DACH2: variants seen among roughly 807,000 people sequenced by gnomAD.
DACH2 encodes the protein dachshund family transcription factor 2.
In DACH2, 17 loss-of-function variants were observed where a neutral mutation model predicts 35.8. The ratio of observed to expected loss-of-function variants is 0.48; its 90% CI spans 0.33 to 0.71. DACH2 has a LOEUF of 0.71. Ranked by LOEUF, DACH2 falls within the 30% of genes least tolerant of loss-of-function variation. The pLI is 0.02. For synonymous variants in DACH2, 195 were observed against 177.3 expected (o/e 1.10, Z -0.79); for missense variants, 469 against 472.7 (o/e 0.99, Z 0.07).
intron 1 of DACH2, among the ~76,000 whole-genome samples, chrX:86,251,883 T>C (rs1348988594): frequency 8.9e-6 from 1 of 111,867 alleles, no homozygotes; most frequent in Non-Finnish European, 1.9e-5. Context: ...GGTCAAATGG[T>C]AGTTCTACTT....
intron 2 of DACH2, among the ~76,000 whole-genome samples, chrX:86,496,316 G>T (rs181313670): frequency 1.8e-5 from 2 of 109,968 alleles, no homozygotes; most frequent in East Asian, 5.8e-4. Flanking sequence ...GTATCCTTAG[G>T]ACGTTTTTCT....
At chrX:86,814,503 A>G (rs1010960994) in intron 9 of DACH2, among the ~76,000 whole-genome samples, 185 bp from the exon 10 acceptor site, 2 of 112,035 alleles carry the variant, frequency 1.8e-5, no homozygotes, top group African/African-American at 6.5e-5. Context: ...ACTGAAATAC[A>G]GTAAATAAAG....
chrX:86,247,594 T>C (rs1001679024), intron 1 of DACH2, among the ~76,000 whole-genome samples: 1 of 111,238 alleles, frequency 9.0e-6, no homozygotes, highest in Non-Finnish European at 1.9e-5. Context: ...AGACTTATAA[T>C]TTATGAGTTC....
intron 3 of DACH2, among the ~76,000 whole-genome samples, chrX:86,622,861 G>A (rs1025409084): frequency 9.0e-6 from 1 of 111,285 alleles, no homozygotes; most frequent in African/African-American, 3.3e-5. Flanking sequence ...AAAGACACAA[G>A]AGACATGACA....
At chrX:86,457,440 T>A (rs1401171016) in intron 2 of DACH2, among the ~76,000 whole-genome samples, 1 of 112,095 alleles carries the variant, frequency 8.9e-6, no homozygotes, top group Non-Finnish European at 1.9e-5. Context: ...ATCTCACCAA[T>A]CAACTTAAAT....
At chrX:86,443,964 T>A (rs2037215548) in intron 2 of DACH2, among the ~76,000 whole-genome samples, 1 of 112,167 alleles carries the variant, frequency 8.9e-6, no homozygotes, top group Admixed American at 9.5e-5. Context: ...GTTTTCTTTT[T>A]CTGTGCTCTT....
At chrX:86,543,229 C>T (rs1468124518) in intron 3 of DACH2, among the ~76,000 whole-genome samples, 2 of 111,659 alleles carry the variant, frequency 1.8e-5, no homozygotes, top group Admixed American at 9.5e-5. Context: ...TCCTGCCCCC[C>T]ACTGACTCCT....
intron 6 of DACH2, among the ~76,000 whole-genome samples, chrX:86,721,217 A>G (rs190518236): frequency 8.9e-6 from 1 of 112,393 alleles, no homozygotes; most frequent in Admixed American, 9.4e-5. Context: ...ATGCAAGTTT[A>G]TGCAGCTGGC....
In DACH2 at chrX:86,148,759, G is replaced by A. The variant is rs750894487; in HGVS notation, c.139G>A (p.Val47Met). ...TACTCCTAATATGATCAATAGTTTC[G>A]TGGTTAATAACCACAGCAACAGTGC... ...RLTPNMINSF[V>M]VNNHSNSAGG... Residue 47 changes from valine to methionine, a missense_variant, in exon 1 of 12, where the codon GTG (valine) becomes ATG (methionine). Val to Met is a conservative substitution (Grantham distance 21). Coordinates refer to ENST00000373125, the MANE Select transcript of DACH2 (RefSeq NM_053281.3). 28 of 1,209,048 alleles carry A rather than the reference G, an allele frequency of 2.3e-5. No individual in the cohort carries two copies. In the African/African-American group the frequency reaches 3.9e-4, roughly 17 times the overall value.
intron 3 of DACH2, among the ~76,000 whole-genome samples, chrX:86,564,317 C>T (rs1435411987): frequency 9.0e-6 from 1 of 111,472 alleles, no homozygotes; most frequent in African/African-American, 3.3e-5. Context: ...AACATTATTG[C>T]AAACTGTTTA....
chrX:86,792,909 C>T (rs967228136), intron 7 of DACH2, among the ~76,000 whole-genome samples: 3 of 111,684 alleles, frequency 2.7e-5, no homozygotes, highest in African/African-American at 9.7e-5. Context: ...ATTCTTGGAT[C>T]ATATGGTAGT....
chrX:86,426,744 C>A (rs750597337), intron 2 of DACH2, among the ~76,000 whole-genome samples: 2 of 111,311 alleles, frequency 1.8e-5, no homozygotes, highest in African/African-American at 6.5e-5. Flanking sequence ...CTCAGTCTAA[C>A]CCCAAAGAGG....
At chrX:86,309,475 G>A (rs187980670) in intron 1 of DACH2, among the ~76,000 whole-genome samples, 212 of 100,088 alleles carry the variant, frequency 2.1e-3, no homozygotes, top group African/African-American at 8.5e-3. Flanking sequence ...TCTACTCTCC[G>A]TCTTTGTCAT....
chrX:86,611,867 C>T (rs1569452681), intron 3 of DACH2, among the ~76,000 whole-genome samples: 1 of 110,674 alleles, frequency 9.0e-6, no homozygotes, highest in African/African-American at 3.3e-5. Context: ...AGTGATGTGA[C>T]ATTAAAACCA....
intron 2 of DACH2, among the ~76,000 whole-genome samples, chrX:86,398,322 A>ATTT (rs1472724166): frequency 1.8e-5 from 2 of 111,965 alleles, no homozygotes; most frequent in African/African-American, 6.5e-5. Context: ...AATTTTGTTG[A>ATTT]TCTTTTCAAA....
intron 3 of DACH2, among the ~76,000 whole-genome samples, chrX:86,580,660 C>G (rs957581563): frequency 2.7e-5 from 3 of 110,958 alleles, no homozygotes; most frequent in African/African-American, 9.8e-5. Flanking sequence ...GACTGGTTCT[C>G]CAAATAAGTC....
At chrX:86,762,076 A>T (rs969454750) in intron 7 of DACH2, among the ~76,000 whole-genome samples, 1 of 111,626 alleles carries the variant, frequency 9.0e-6, no homozygotes, top group African/African-American at 3.3e-5. Context: ...CCAGTCAGCC[A>T]TCTTGAAGCC....
chrX:86,181,520 CT>C (rs1569293550), intron 1 of DACH2, among the ~76,000 whole-genome samples: 1 of 111,386 alleles, frequency 9.0e-6, no homozygotes, highest in Non-Finnish European at 1.9e-5. Context: ...TGAACTCATC[CT>C]TTTTTATGGC....
rs146312563 is a variant in DACH2, at chrX:86,507,807, T to A, written c.528-6472T>A. 7.0e-3 allele frequency among the ~76,000 whole-genome samples: 779 copies of A among 111,929 alleles called. 2 individuals are homozygous for A. The highest frequency in any genetic ancestry group is 0.016 in the Admixed American group (165 of 10,519). On this transcript the variant is annotated intron_variant, in intron 2 of 11. Transcript: ENST00000373125. ...GTATTTCATCAAAATTCATTGCAGT[T>A]TATTTAGAATGGATTGGAACACAGT... is the stretch of plus-strand genomic sequence containing the variant.
Sources: gnomAD v4.1 joint callset for allele counts (sites outside exome capture counted in the v4.1 genomes callset) on GRCh38, gnomAD v4.1.1 for gene constraint, MANE v1.5 for transcripts, NCBI Gene and HGNC (gene_info 2026-07-23, HGNC 2026-07-21) for gene names.